Variants in SLIT2 observed in about 807,000 individuals in gnomAD.
SLIT2 encodes slit homolog 2 protein.
In SLIT2, 41 loss-of-function variants were observed where a neutral mutation model predicts 185.7. That is an observed-to-expected ratio of 0.22 (90% CI 0.17 to 0.29). The LOEUF (loss-of-function observed/expected upper bound fraction) is 0.29. Ranked by LOEUF, SLIT2 falls within the 10% of genes least tolerant of loss-of-function variation. The pLI, the probability that SLIT2 is intolerant of heterozygous loss-of-function variation, is 1.00. For synonymous variants in SLIT2, 693 were observed against 680.2 expected, an observed-to-expected ratio of 1.02 and a Z score of -0.29; for missense variants, 1,571 against 1,909.0, an observed-to-expected ratio of 0.82 and a Z score of 3.30.
At chr4:20,469,244 A>G (rs898565003) in intron 5 of SLIT2, among the ~76,000 whole-genome samples, 1 of 152,172 alleles carries the variant, frequency 6.6e-6, no homozygotes, top group Non-Finnish European at 1.5e-5. Flanking sequence ...AGCTGTAAAA[A>G]TACGGCAATA....
At chr4:20,592,069 C>G (rs1727559938) in intron 30 of SLIT2, among the ~76,000 whole-genome samples, 1 of 152,010 alleles carries the variant, frequency 6.6e-6, no homozygotes, top group Non-Finnish European at 1.5e-5. Flanking sequence ...GCTGTTACTC[C>G]CGACATTGTG....
chr4:20,617,264 AAGG>A (rs891012130), intron 35 of SLIT2, 66 bp downstream of exon 35: 2 of 1,386,424 alleles, frequency 1.4e-6, no homozygotes, highest in African/African-American at 2.9e-5. Flanking sequence ...CAAAGGAAGG[AAGG>A]AAAGAAGAAG....
rs1048570624 is a variant in SLIT2 at position 20,619,544 on chromosome 4, G to A, written c.*535G>A. The stretch of plus-strand genomic sequence containing the variant: ...TCCTGAGGATCTGGGTTCCATTTAC[G>A]AGAGGAAATGAAAGTGCTAAAATAA... On this transcript the variant is annotated 3_prime_UTR_variant, in exon 37 of 37. Transcript: ENST00000504154. The A allele has an allele frequency of 1.3e-5, 2 of 152,134 alleles. No individual in the cohort carries two copies. Among genetic ancestry groups the A allele is most frequent in the East Asian group, 1.9e-4 (1 of 5,196 alleles). 9.4% of individuals were successfully genotyped at this position (152,134 alleles called of 1,614,324 possible).
chr4:20,474,609 A>G (rs1374233245), intron 5 of SLIT2, among the ~76,000 whole-genome samples: 9 of 152,124 alleles, frequency 5.9e-5, no homozygotes, highest in Non-Finnish European at 1.2e-4. Flanking sequence ...CAAAATATGA[A>G]TTGGCATAAT....
At chr4:20,256,551 A>C (rs1421610613) in intron 1 of SLIT2, 121 bp from the exon 2 acceptor site, 5 of 554,352 alleles carry the variant, frequency 9.0e-6, no homozygotes, top group Non-Finnish European at 1.3e-5. Flanking sequence ...TCCTTCCTAC[A>C]TACTTTGTAT....
At chr4:20,514,133 A>G (rs1212107585) in intron 11 of SLIT2, among the ~76,000 whole-genome samples, 1 of 152,196 alleles carries the variant, frequency 6.6e-6, no homozygotes, top group Non-Finnish European at 1.5e-5. Context: ...GTAGTTTACT[A>G]CAAAAACCAT....
intron 4 of SLIT2, among the ~76,000 whole-genome samples, chr4:20,466,910 T>C (rs965504214): frequency 6.6e-6 from 1 of 152,222 alleles, no homozygotes; most frequent in Admixed American, 6.5e-5. Context: ...ATGAGAATTT[T>C]CTGCTTTCAT....
chr4:20,387,371 G>A (rs1408982773), intron 4 of SLIT2, among the ~76,000 whole-genome samples: 1 of 151,568 alleles, frequency 6.6e-6, no homozygotes, highest in Non-Finnish European at 1.5e-5. Flanking sequence ...ATCAATGTCA[G>A]TAACATATTC....
intron 5 of SLIT2, among the ~76,000 whole-genome samples, chr4:20,478,878 C>T (rs1716399563): frequency 2.0e-5 from 3 of 152,106 alleles, no homozygotes; most frequent in African/African-American, 7.2e-5. Flanking sequence ...TGAATTTAAT[C>T]TGTAAAAATC....
chr4:20,465,422 A>C (rs1272424421), intron 4 of SLIT2, among the ~76,000 whole-genome samples: 1 of 152,178 alleles, frequency 6.6e-6, no homozygotes, highest in Non-Finnish European at 1.5e-5. Context: ...AAAATTTGTT[A>C]GTTTCTTCCT....
chr4:20,332,842 G>T (rs1720185515), intron 4 of SLIT2, among the ~76,000 whole-genome samples: 1 of 152,050 alleles, frequency 6.6e-6, no homozygotes, highest in African/African-American at 2.4e-5. Flanking sequence ...CTTCAAAATG[G>T]TTCTTACCTT....
At chr4:20,570,733 A>ATATATATATATATATATG (rs1725517322) in intron 29 of SLIT2, among the ~76,000 whole-genome samples, 1 of 14,298 alleles carries the variant, frequency 7.0e-5, no homozygotes, top group African/African-American at 2.9e-4. Flanking sequence ...ATATATATGT[A>ATATATATATATATATATG]TATATATATA....
intron 4 of SLIT2, among the ~76,000 whole-genome samples, chr4:20,393,115 G>A (rs1725570236): frequency 1.3e-5 from 2 of 151,914 alleles, no homozygotes; most frequent in African/African-American, 4.8e-5. Context: ...CACATCACGG[G>A]GTGACGGGAA....
Position 20,256,752 on chromosome 4 carries a change from A to C in SLIT2, c.251+9A>C, listed in dbSNP as rs1181506844. 2.9e-6 allele frequency: 4 copies of C among 1,360,870 alleles called. No homozygotes were observed. Among genetic ancestry groups the C allele is most frequent in the Non-Finnish European group, 3.1e-6 (3 of 974,746 alleles). 84.3% of individuals were successfully genotyped at this position (1,360,870 alleles called of 1,614,324 possible). ...AGACATCTAAGAGTTCTGTAAGTGC[A>C]TCCTCTGTATTTTTAAATAATTTTT... is the stretch of plus-strand genomic sequence containing the variant. On this transcript the variant is annotated intron_variant, in intron 2 of 36. Transcript: ENST00000504154.
chr4:20,448,422 G>A (rs1442319420), intron 4 of SLIT2, among the ~76,000 whole-genome samples: 2 of 152,054 alleles, frequency 1.3e-5, no homozygotes, highest in East Asian at 1.9e-4. Context: ...CCAGGTTCAA[G>A]TGATTCTTGT....
intron 4 of SLIT2, among the ~76,000 whole-genome samples, chr4:20,340,433 A>G (rs1388956601): frequency 6.6e-6 from 1 of 152,084 alleles, no homozygotes; most frequent in East Asian, 1.9e-4. Context: ...GAGTATCTGT[A>G]TCTTGTTCAT....
intron 4 of SLIT2, among the ~76,000 whole-genome samples, chr4:20,402,425 C>T (rs1560391971): frequency 6.6e-6 from 1 of 151,818 alleles, no homozygotes; most frequent in Non-Finnish European, 1.5e-5. Context: ...ATGAATTCAT[C>T]GCTTATTTAA....
Position 20,549,112 on chromosome 4 carries a change from A to G in SLIT2, c.2473A>G (p.Lys825Glu), listed in dbSNP as rs1389037532. The G allele has an allele frequency of 6.3e-7, 1 of 1,591,986 alleles. No homozygotes were observed. ...TCCTCCTCGCACCTTTGATGGATTA[A>G]AGTCTCTTCGATTACTGTAAGCATC... ...CIPPRTFDGL[K>E]SLRLLSLHGN... Residue 825 changes from lysine to glutamate, a missense_variant, in exon 24 of 37, where the codon AAG (lysine) becomes GAG (glutamate). Around this residue, in one of 3 missense-constraint regions of SLIT2, gnomAD observed 1,202 missense variants for 1,416.4 expected, o/e 0.85. Transcript: ENST00000504154.
intron 4 of SLIT2, chr4:20,393,804 A>C (rs1244263602): frequency 6.6e-6 from 1 of 152,094 alleles, no homozygotes; most frequent in South Asian, 2.1e-4. Context: ...GCTTATGCTC[A>C]TCACTGAAAA....
Sources: gnomAD v4.1 joint callset for allele counts (sites outside exome capture counted in the v4.1 genomes callset) on GRCh38, gnomAD v4.1.1 for gene constraint, gnomAD v4.1.1 regional missense constraint, MANE v1.5 for transcripts, NCBI Gene and HGNC (gene_info 2026-07-23, HGNC 2026-07-21) for gene names.